The following MTR variants were observed in gnomAD, a reference collection of about 807,000 sequenced individuals.
MTR encodes the protein 5-methyltetrahydrofolate-homocysteine methyltransferase.
A neutral mutation model predicts 154.8 loss-of-function variants in MTR; 84 were observed. The observed-to-expected ratio is 0.54, with a 90% CI of 0.45 to 0.65. MTR has a LOEUF of 0.65. Among genes scored for constraint, MTR ranks in the 30% least tolerant of loss-of-function variants. The probability of loss-of-function intolerance (pLI) is 0.00; values close to 1 mark genes in which losing one functional copy is unlikely to be tolerated. For synonymous variants in MTR, 554 were observed against 553.9 expected (o/e 1.00, Z 0.00); for missense variants, 1,275 against 1,570.2 (o/e 0.81, Z 3.18).
intron 19 of MTR, among the ~76,000 whole-genome samples, 165 bp downstream of exon 19, chr1:236,860,087 C>A (rs568708142): frequency 3.0e-5 from 2 of 66,584 alleles, no homozygotes; most frequent in Non-Finnish European, 6.4e-5. Flanking sequence ...CCCCCCCCCC[C>A]CCCACCATAG....
intron 23 of MTR, 43 bp from the exon 24 acceptor site, chr1:236,874,683 A>C (rs1332485567): frequency 2.0e-6 from 3 of 1,468,414 alleles, no homozygotes; most frequent in South Asian, 1.3e-5. Context: ...CATCTTCCTC[A>C]CTGTCCTTTT....
chr1:236,851,497 C>T (rs927052355), intron 16 of MTR, among the ~76,000 whole-genome samples: 3 of 152,130 alleles, frequency 2.0e-5, no homozygotes, highest in African/African-American at 4.8e-5. Flanking sequence ...AATGAATCAA[C>T]AGTAAATATT....
intron 13 of MTR, among the ~76,000 whole-genome samples, chr1:236,833,856 G>A (rs1463116320): frequency 1.3e-5 from 2 of 152,170 alleles, no homozygotes; most frequent in Non-Finnish European, 2.9e-5. Context: ...GAGGTCTTTT[G>A]ACCCTGTTGC....
intron 1 of MTR, among the ~76,000 whole-genome samples, chr1:236,799,762 C>T (rs1660604069): frequency 6.6e-6 from 1 of 150,752 alleles, no homozygotes; most frequent in Non-Finnish European, 1.5e-5. Flanking sequence ...AACAGAAATC[C>T]TTGGTTTTTA....
chr1:236,811,764 C>T (rs969786826), intron 5 of MTR: 1 of 446,106 alleles, frequency 2.2e-6, no homozygotes, highest in Non-Finnish European at 4.5e-6. Context: ...CAAAATGATG[C>T]ATAGCAGGCC....
intron 18 of MTR, among the ~76,000 whole-genome samples, chr1:236,853,892 A>G (rs1029706258): frequency 2.0e-5 from 3 of 152,234 alleles, no homozygotes; most frequent in Non-Finnish European, 4.4e-5. Flanking sequence ...TGAAGTATCT[A>G]TCGTAGATGG....
intron 8 of MTR, among the ~76,000 whole-genome samples, chr1:236,823,611 G>T (rs1475861411): frequency 6.6e-6 from 1 of 151,918 alleles, no homozygotes; most frequent in Admixed American, 6.6e-5. Context: ...ATAAATTCTG[G>T]AAGACCTCAG....
intron 15 of MTR, among the ~76,000 whole-genome samples, chr1:236,847,164 G>A (rs1457877692): frequency 6.6e-6 from 1 of 152,180 alleles, no homozygotes; most frequent in African/African-American, 2.4e-5. Context: ...TGGGATTACA[G>A]ATGTGAGCCA....
intron 22 of MTR, among the ~76,000 whole-genome samples, chr1:236,869,728 G>A (rs1180717853): frequency 1.5e-5 from 1 of 68,464 alleles, no homozygotes; most frequent in Non-Finnish European, 2.9e-5. Context: ...GAGGGATGGT[G>A]GGAAGAATGG....
intron 24 of MTR, among the ~76,000 whole-genome samples, chr1:236,877,682 A>C (rs548477132): frequency 1.3e-5 from 2 of 152,312 alleles, no homozygotes; most frequent in African/African-American, 4.8e-5. Flanking sequence ...GGGCTATCAC[A>C]AACAATGCTG....
intron 15 of MTR, among the ~76,000 whole-genome samples, chr1:236,840,007 G>A (rs1376450126): frequency 6.6e-6 from 1 of 152,204 alleles, no homozygotes; most frequent in African/African-American, 2.4e-5. Context: ...TCAACTGGGT[G>A]GGGTAGGGAT....
chr1:236,800,704 A>C (rs376710806), intron 1 of MTR, among the ~76,000 whole-genome samples: 2 of 152,244 alleles, frequency 1.3e-5, no homozygotes, highest in East Asian at 3.8e-4. Flanking sequence ...TTAGAGCTTC[A>C]GTCCTTGCTG....
chr1:236,823,829 T>TC (rs1225749989), intron 8 of MTR, among the ~76,000 whole-genome samples: 1 of 135,782 alleles, frequency 7.4e-6, no homozygotes, highest in Non-Finnish European at 1.6e-5. Flanking sequence ...TTTTTTTTTT[T>TC]AGCAGTGTTA....
chr1:236,810,382 C>A, intron 4 of MTR, 121 bp from the exon 5 acceptor site: 1 of 857,628 alleles, frequency 1.2e-6, no homozygotes. Flanking sequence ...TTTTGGATTT[C>A]AGAGTTGTGG....
intron 4 of MTR, among the ~76,000 whole-genome samples, chr1:236,809,425 C>T (rs1329877546): frequency 1.3e-5 from 2 of 152,152 alleles, no homozygotes; most frequent in South Asian, 2.1e-4. Flanking sequence ...ATATATGTAG[C>T]CCCTTAAGAC....
chr1:236,877,599 A>G (rs1427996282), intron 24 of MTR, among the ~76,000 whole-genome samples: 4 of 151,922 alleles, frequency 2.6e-5, no homozygotes, highest in African/African-American at 4.8e-5. Flanking sequence ...TCAATGTAGT[A>G]TTCCATTGTA....
At chr1:236,853,456 T>C (rs562262649) in intron 18 of MTR, among the ~76,000 whole-genome samples, 13 of 152,356 alleles carry the variant, frequency 8.5e-5, no homozygotes, top group Admixed American at 7.8e-4. Flanking sequence ...ACTTGAGATT[T>C]TGTTATAACC....
intron 17 of MTR, 22 bp from the exon 18 acceptor site, chr1:236,852,926 T>G: frequency 6.2e-7 from 1 of 1,613,766 alleles, no homozygotes; most frequent in Non-Finnish European, 8.5e-7. Context: ...TAAATTCTCA[T>G]TTTTATTTGT....
At chr1:236,817,228 T>C (rs560463547) in intron 8 of MTR, among the ~76,000 whole-genome samples, 7 of 146,766 alleles carry the variant, frequency 4.8e-5, no homozygotes, top group Admixed American at 1.4e-4. Flanking sequence ...GTTTTTTGCC[T>C]GGACTTTTTT....
Sources: allele counts gnomAD v4.1 joint callset (sites outside exome capture counted in the v4.1 genomes callset), GRCh38; gene constraint gnomAD v4.1.1; transcripts MANE v1.5; gene names NCBI Gene and HGNC (gene_info 2026-07-23, HGNC 2026-07-21).